The following DBF4B variants were observed in gnomAD, a reference collection of about 807,000 sequenced individuals.
The protein encoded by DBF4B is DBF4B-CDC7 kinase regulatory subunit.
In DBF4B, 49 loss-of-function variants were observed where a neutral mutation model predicts 53.4. That is an observed-to-expected ratio of 0.92 (90% CI 0.73 to 1.16). DBF4B has a LOEUF of 1.16. DBF4B is among the 50% of genes most tolerant of loss of function. The pLI is 0.00. For missense variants in DBF4B, 692 were observed against 775.0 expected, an observed-to-expected ratio of 0.89 and a Z score of 1.27; for synonymous variants, 257 against 288.7, an observed-to-expected ratio of 0.89 and a Z score of 1.11.
intron 10 of DBF4B, among the ~76,000 whole-genome samples, chr17:44,743,949 A>G (rs1976329694): frequency 1.3e-5 from 2 of 151,612 alleles, no homozygotes; most frequent in Admixed American, 1.3e-4. Flanking sequence ...AAGGATACAC[A>G]TGTACCTATA....
chr17:44,730,222 A>T, intron 4 of DBF4B, 126 bp downstream of exon 4: 2 of 1,089,474 alleles, frequency 1.8e-6, no homozygotes, highest in Non-Finnish European at 2.6e-6. Context: ...GAATTCAGGG[A>T]CTGAGAATAT....
chr17:44,721,508 T>C (rs556574556), intron 2 of DBF4B, among the ~76,000 whole-genome samples: 12 of 152,250 alleles, frequency 7.9e-5, no homozygotes, highest in African/African-American at 2.4e-4. Flanking sequence ...TATGAGCCAC[T>C]GTGCCCGGCC....
chr17:44,732,104 A>G, intron 5 of DBF4B, 74 bp from the exon 6 acceptor site: 1 of 1,508,376 alleles, frequency 6.6e-7, no homozygotes, highest in South Asian at 1.2e-5. Context: ...CCCAGAAGCA[A>G]TTTCTATCTG....
intron 6 of DBF4B, among the ~76,000 whole-genome samples, chr17:44,733,099 A>C (rs1598817481): frequency 6.7e-6 from 1 of 149,604 alleles, no homozygotes; most frequent in Non-Finnish European, 1.5e-5. Flanking sequence ...TGGGAGGCGG[A>C]GCTTGCAGTG....
At chr17:44,718,151 G>T (rs1973491895) in intron 2 of DBF4B, among the ~76,000 whole-genome samples, 1 of 152,098 alleles carries the variant, frequency 6.6e-6, no homozygotes, top group African/African-American at 2.4e-5. Context: ...ACATGTTGCA[G>T]CTGGGCACGA....
At chr17:44,723,689 G>A (rs1282809691) in intron 3 of DBF4B, among the ~76,000 whole-genome samples, 1 of 151,950 alleles carries the variant, frequency 6.6e-6, no homozygotes, top group Non-Finnish European at 1.5e-5. Context: ...GACCTGGGAG[G>A]CGGAGTTTGC....
chr17:44,716,631 TC>T (rs766219417), intron 2 of DBF4B, among the ~76,000 whole-genome samples: 1 of 152,148 alleles, frequency 6.6e-6, no homozygotes, highest in Non-Finnish European at 1.5e-5. Flanking sequence ...CACACCCACT[TC>T]CCAGTTGTGC....
intron 9 of DBF4B, among the ~76,000 whole-genome samples, chr17:44,740,542 C>T (rs1975901776): frequency 6.6e-6 from 1 of 152,126 alleles, no homozygotes; most frequent in Admixed American, 6.5e-5. Context: ...TAAGGACCAG[C>T]AAGAACACTT....
chr17:44,713,608 C>T (rs1598757134), intron 2 of DBF4B, among the ~76,000 whole-genome samples: 1 of 152,140 alleles, frequency 6.6e-6, no homozygotes, highest in East Asian at 1.9e-4. Flanking sequence ...GAGATCATGC[C>T]GCTGCACTCC....
chr17:44,742,925 G>A (rs1439553784), intron 10 of DBF4B, among the ~76,000 whole-genome samples: 1 of 152,212 alleles, frequency 6.6e-6, no homozygotes, highest in Non-Finnish European at 1.5e-5. Context: ...AGAGAACAGA[G>A]CAGACTCTCA....
At chr17:44,738,093 C>T (rs543427664) in intron 8 of DBF4B, among the ~76,000 whole-genome samples, 8 of 152,372 alleles carry the variant, frequency 5.3e-5, no homozygotes, top group African/African-American at 1.9e-4. Flanking sequence ...GGTCGATAGC[C>T]TCCAGAATCC....
intron 3 of DBF4B, among the ~76,000 whole-genome samples, chr17:44,727,864 ATTTTTTTTTTTTTT>A (rs756222247): frequency 9.4e-6 from 1 of 106,742 alleles, no homozygotes; most frequent in African/African-American, 3.7e-5. Flanking sequence ...TGCCCGGGTA[ATTTTTTTTTTTTTT>A]TTTTTTTTTT....
At chr17:44,727,760 C>T (rs747337843) in intron 3 of DBF4B, among the ~76,000 whole-genome samples, 1 of 151,960 alleles carries the variant, frequency 6.6e-6, no homozygotes, top group Non-Finnish European at 1.5e-5. Context: ...TGCAATGGTG[C>T]GATCTTGGCT....
chr17:44,750,830 C>T lies in DBF4B; in HGVS notation c.1425C>T (p.Leu475=). ...GGTCGCCTGCAGAGGACATGCCCCT[C>T]CATCCCTCCCAAGAAAACTCCTTTG... ...GEWSPAEDMP[L]HPSQENSFAP... is the part of the protein sequence containing the mutation. The change falls in exon 14 of 14, where the codon CTC becomes CTT. Residue 475 remains leucine (L), a synonymous_variant. Coordinates refer to ENST00000315005, the MANE Select transcript of DBF4B (RefSeq NM_145663.3). 6.2e-7 allele frequency: 1 copy of T among 1,614,244 alleles called. No homozygotes were observed. The highest frequency in any genetic ancestry group is 1.1e-5 in the South Asian group (1 of 91,090).
intron 11 of DBF4B, 77 bp downstream of exon 11, chr17:44,747,268 A>G: frequency 1.3e-6 from 2 of 1,598,086 alleles, no homozygotes; most frequent in Non-Finnish European, 1.7e-6. Context: ...AGTCCTTCCT[A>G]TGCGATCTCT....
chr17:44,750,702 G>A lies in DBF4B; in HGVS notation c.1297G>A (p.Ala433Thr). The A allele has an allele frequency of 3.1e-6, 5 of 1,614,090 alleles. No individual in the cohort carries two copies. Among genetic ancestry groups the A allele is most frequent in the Non-Finnish European group, 4.2e-6 (5 of 1,180,030 alleles). The change falls in exon 14 of 14, where the codon GCC becomes ACC. Residue 433 changes from alanine to threonine, a missense_variant. Transcript: ENST00000315005. ...TCVSATTLLP[A>T]LPKGSREQGC... ...TGTGAGTGCCACAACCCTCCTGCCG[G>A]CCTTGCCCAAGGGCTCCAGGGAGCA...
At chr17:44,735,731 G>A (rs1351158565) in intron 7 of DBF4B, among the ~76,000 whole-genome samples, 3 of 152,142 alleles carry the variant, frequency 2.0e-5, no homozygotes, top group Non-Finnish European at 4.4e-5. Context: ...TGGGTGTAAT[G>A]TGCTGATACG....
At position 44,723,013 on chromosome 17, in the gene DBF4B, A is replaced by G. The variant is rs780784045; in HGVS notation, c.216A>G (p.Gln72=). 5 of 1,613,980 alleles carry G rather than the reference A, an allele frequency of 3.1e-6. No homozygotes were observed. The Admixed American group carries it at 6.7e-5, about 22-fold the overall frequency. The change falls in exon 3 of 14, where the codon CAA becomes CAG. Residue 72 remains glutamine, a synonymous_variant. Coordinates refer to ENST00000315005, the MANE Select transcript of DBF4B (RefSeq NM_145663.3). ...NLQFLTGAIQ[Q]LGGVIEGFLS... The stretch of plus-strand genomic sequence containing the variant: ...AGTTTTTGACGGGGGCCATTCAGCA[A>G]CTGGGTGGGGTAGGTAACCTGCTCT...
At chr17:44,741,590 G>T (rs906821942) in intron 10 of DBF4B, 138 bp downstream of exon 10, 5 of 585,348 alleles carry the variant, frequency 8.5e-6, no homozygotes, top group Non-Finnish European at 9.1e-6. Context: ...GTAGCCCAGA[G>T]AAGAGAGACT....
Sources: allele counts gnomAD v4.1 joint callset (sites outside exome capture counted in the v4.1 genomes callset), GRCh38; gene constraint gnomAD v4.1.1; transcripts MANE v1.5; gene names NCBI Gene and HGNC (gene_info 2026-07-23, HGNC 2026-07-21).